HMGA2: variants seen among roughly 807,000 people sequenced by gnomAD.
HMGA2 encodes the protein high mobility group AT-hook 2, also known as high mobility group protein HMGI-C.
In HMGA2, 8 loss-of-function variants were observed where a neutral mutation model predicts 19.1. That is an observed-to-expected ratio of 0.42 (90% CI 0.25 to 0.76). The LOEUF is 0.76. Ranked by LOEUF, HMGA2 falls within the 30% of genes least tolerant of loss-of-function variation. The pLI, the probability that HMGA2 is intolerant of heterozygous loss-of-function variation, is 0.28. For missense variants in HMGA2, 109 were observed against 136.3 expected (o/e 0.80, Z 1.00); for synonymous variants, 60 against 48.8 (o/e 1.23, Z -0.96).
intron 3 of HMGA2, among the ~76,000 whole-genome samples, chr12:65,871,637 T>C (rs77132034): frequency 0.14 from 20,852 of 152,146 alleles, 2,697 homozygotes; most frequent in African/African-American, 0.32. Context: ...CCCCTTCCTA[T>C]GGGGATTCTG....
intron 3 of HMGA2, among the ~76,000 whole-genome samples, chr12:65,934,591 G>T (rs1565736941): frequency 6.6e-6 from 1 of 152,078 alleles, no homozygotes; most frequent in South Asian, 2.1e-4. Flanking sequence ...CTCTATAAAG[G>T]CTGTTGGTAC....
intron 3 of HMGA2, among the ~76,000 whole-genome samples, chr12:65,924,209 G>T (rs1416795586): frequency 6.6e-6 from 1 of 152,116 alleles, no homozygotes; most frequent in Non-Finnish European, 1.5e-5. Context: ...TGTTATTGAA[G>T]CCCAGTTAAA....
chr12:65,869,388 G>T (rs1019504792), intron 3 of HMGA2, among the ~76,000 whole-genome samples: 1 of 152,114 alleles, frequency 6.6e-6, no homozygotes, highest in African/African-American at 2.4e-5. Context: ...AATTCCATCT[G>T]GGTGGTTGAT....
At chr12:65,917,592 T>A (rs1466788436) in intron 3 of HMGA2, among the ~76,000 whole-genome samples, 2 of 151,954 alleles carry the variant, frequency 1.3e-5, no homozygotes, top group Non-Finnish European at 2.9e-5. Flanking sequence ...CCTGTGAGCA[T>A]CACTGACAGG....
At chr12:65,834,515 C>G (rs1201959814) in intron 2 of HMGA2, among the ~76,000 whole-genome samples, 1 of 149,350 alleles carries the variant, frequency 6.7e-6, no homozygotes, top group Non-Finnish European at 1.5e-5. Flanking sequence ...TCTTGCCCTC[C>G]CTCCCTCCCT....
intron 3 of HMGA2, among the ~76,000 whole-genome samples, chr12:65,922,171 A>C (rs76321377): frequency 2.2e-4 from 33 of 152,320 alleles, no homozygotes; most frequent in African/African-American, 7.7e-4. Flanking sequence ...AGCTGTGAGA[A>C]GAGGGTCACC....
At chr12:65,959,507 T>C (rs183016305) in intron 4 of HMGA2, among the ~76,000 whole-genome samples, 2 of 152,332 alleles carry the variant, frequency 1.3e-5, no homozygotes, top group East Asian at 3.9e-4. Flanking sequence ...GGTACCTCAC[T>C]TGTCTTTGTA....
chr12:65,870,038 A>G (rs538033421), intron 3 of HMGA2, among the ~76,000 whole-genome samples: 76 of 152,188 alleles, frequency 5.0e-4, no homozygotes, highest in African/African-American at 1.8e-3. Flanking sequence ...AAAGTAGTGC[A>G]CAATATTCCA....
intron 3 of HMGA2, among the ~76,000 whole-genome samples, chr12:65,844,009 C>A (rs1871127597): frequency 1.4e-5 from 2 of 147,226 alleles, no homozygotes; most frequent in East Asian, 2.0e-4. Flanking sequence ...GGTGATCATG[C>A]CACTGCACTA....
At chr12:65,846,714 T>C (rs780093162) in intron 3 of HMGA2, among the ~76,000 whole-genome samples, 1 of 152,212 alleles carries the variant, frequency 6.6e-6, no homozygotes, top group East Asian at 1.9e-4. Flanking sequence ...TCTGAGACCC[T>C]TTGATTTTGT....
chr12:65,874,968 C>A (rs1028866976), intron 3 of HMGA2, among the ~76,000 whole-genome samples: 1 of 152,156 alleles, frequency 6.6e-6, no homozygotes, highest in Non-Finnish European at 1.5e-5. Context: ...CTTCTCATCT[C>A]CCTTTATTCA....
chr12:65,962,659 C>T (rs943931573), intron 4 of HMGA2, among the ~76,000 whole-genome samples: 1 of 152,152 alleles, frequency 6.6e-6, no homozygotes, highest in African/African-American at 2.4e-5. Context: ...CCAGTACCAA[C>T]CCGACCCAAA....
At chr12:65,921,469 G>A (rs111937394) in intron 3 of HMGA2, among the ~76,000 whole-genome samples, 1 of 152,168 alleles carries the variant, frequency 6.6e-6, no homozygotes, top group African/African-American at 2.4e-5. Flanking sequence ...CGATGGTCTC[G>A]ATCTCCTGAC....
At chr12:65,858,375 T>C (rs947492347) in intron 3 of HMGA2, 20 of 152,070 alleles carry the variant, frequency 1.3e-4, no homozygotes, top group African/African-American at 4.1e-4. Flanking sequence ...CAGCAATTCC[T>C]AAAAGTATTG....
chr12:65,842,591 G>A, intron 3 of HMGA2: 1 of 1,532,608 alleles, frequency 6.5e-7, no homozygotes, highest in Non-Finnish European at 8.7e-7. Context: ...TGCTATTAAG[G>A]AGGAGTTTTA....
chr12:65,844,468 T>C (rs541563689), intron 3 of HMGA2, among the ~76,000 whole-genome samples: 3 of 152,340 alleles, frequency 2.0e-5, no homozygotes, highest in Admixed American at 6.5e-5. Context: ...TTTAATAGTT[T>C]ACCACAAAAT....
At chr12:65,949,890 G>T (rs1876398309) in intron 3 of HMGA2, among the ~76,000 whole-genome samples, 1 of 152,116 alleles carries the variant, frequency 6.6e-6, no homozygotes, top group African/African-American at 2.4e-5. Flanking sequence ...AATGGGCAAA[G>T]GATTTAAATA....
chr12:65,910,325 T>C (rs1031963670), intron 3 of HMGA2, among the ~76,000 whole-genome samples: 1 of 152,220 alleles, frequency 6.6e-6, no homozygotes, highest in African/African-American at 2.4e-5. Context: ...TCCAGGTCTT[T>C]TTCTTTTTTG....
At chr12:65,931,551 TTGTGTG>T (rs60877869) in intron 3 of HMGA2, among the ~76,000 whole-genome samples, 22,929 of 144,182 alleles carry the variant, frequency 0.16, 2,721 homozygotes, top group East Asian at 0.66. Flanking sequence ...TTATAGATGT[TTGTGTG>T]TGTGTGTGTG....
Sources: allele counts gnomAD v4.1 joint callset (sites outside exome capture counted in the v4.1 genomes callset), GRCh38; gene constraint gnomAD v4.1.1; transcripts MANE v1.5; gene names NCBI Gene and HGNC (gene_info 2026-07-23, HGNC 2026-07-21).